NBAS: variants seen among roughly 807,000 people sequenced by gnomAD.
NBAS encodes the protein NBAS subunit of NRZ tethering complex, also known as NAG/BC035112 fusion.
NBAS carries 219 observed loss-of-function variants against 302.5 expected under a neutral mutation model. That is an observed-to-expected ratio of 0.72 (90% CI 0.65 to 0.81). The LOEUF is 0.81. Ranked by LOEUF, NBAS falls within the 30% of genes least tolerant of loss-of-function variation. The probability of loss-of-function intolerance (pLI) is 0.00; values close to 1 mark genes in which losing one functional copy is unlikely to be tolerated. For synonymous variants in NBAS, 1,118 were observed against 1,021.6 expected, an observed-to-expected ratio of 1.09 and a Z score of -1.80; for missense variants, 2,932 against 2,841.6, an observed-to-expected ratio of 1.03 and a Z score of -0.72.
chr2:15,059,952 AAAAAAAAAAAACAAAAAAAAAAAC>A, the NBAS span, among the ~76,000 whole-genome samples: 3 of 102,088 alleles, frequency 2.9e-5, no homozygotes, highest in Non-Finnish European at 3.6e-5. Flanking sequence ...GCTGCTAAAA[AAAAAAAAAAAACAAAAAAAAAAAC>A]AAAAAAAAAA....
At chr2:15,434,305 T>A (rs1677905352) in intron 21 of NBAS, among the ~76,000 whole-genome samples, 1 of 152,086 alleles carries the variant, frequency 6.6e-6, no homozygotes, top group Non-Finnish European at 1.5e-5. Context: ...ACAGATGACA[T>A]GAGAAGTCAC....
intron 16 of NBAS, among the ~76,000 whole-genome samples, chr2:15,468,974 T>C (rs1464420268): frequency 6.6e-6 from 1 of 152,174 alleles, no homozygotes; most frequent in African/African-American, 2.4e-5. Flanking sequence ...TATTTGACCA[T>C]GAGATATATC....
At chr2:15,130,187 T>G in the NBAS span, among the ~76,000 whole-genome samples, 2 of 152,242 alleles carry the variant, frequency 1.3e-5, no homozygotes, top group Non-Finnish European at 2.9e-5. Flanking sequence ...CATAGCATAA[T>G]GTCTTTAGGG....
intron 21 of NBAS, among the ~76,000 whole-genome samples, chr2:15,451,435 A>C (rs1191267252): frequency 2.0e-5 from 3 of 152,204 alleles, no homozygotes; most frequent in Non-Finnish European, 4.4e-5. Flanking sequence ...TTTCTGGAAA[A>C]TCATAAACTA....
At chr2:15,547,991 A>C (rs1664195651) in intron 6 of NBAS, among the ~76,000 whole-genome samples, 1 of 152,222 alleles carries the variant, frequency 6.6e-6, no homozygotes, top group Non-Finnish European at 1.5e-5. Context: ...TGTATACATA[A>C]GGAATAAAAA....
intron 17 of NBAS, 31 bp downstream of exon 17, chr2:15,468,351 T>A (rs772531828): frequency 3.2e-5 from 52 of 1,612,856 alleles, no homozygotes; most frequent in Middle Eastern, 1.6e-4. Flanking sequence ...AAGTCACCTT[T>A]ACTTTGAATC....
chr2:15,543,142 A>G (rs1323975899), intron 6 of NBAS, among the ~76,000 whole-genome samples: 1 of 152,232 alleles, frequency 6.6e-6, no homozygotes, highest in Admixed American at 6.5e-5. Context: ...CAAATTGACA[A>G]CTGACACATG....
the NBAS span, among the ~76,000 whole-genome samples, chr2:15,080,669 T>A: frequency 3.9e-5 from 6 of 152,274 alleles, no homozygotes; most frequent in Non-Finnish European, 8.8e-5. Flanking sequence ...ATGGGTTAGT[T>A]CAGAAGACCC....
rs753328761 is a variant in NBAS at position 15,218,766 on chromosome 2, C to A, written c.6432+7G>T. 1 of 1,614,210 alleles carries A rather than the reference C, an allele frequency of 6.2e-7. No homozygotes were observed. Among genetic ancestry groups the A allele is most frequent in the Admixed American group, 1.7e-5 (1 of 60,036 alleles). On this transcript the variant is annotated splice_region_variant and intron_variant, in intron 48 of 51. Coordinates refer to ENST00000281513, the MANE Select transcript of NBAS (RefSeq NM_015909.4). ...TAAGAAAAATAATCATTCAGACACT[C>A]CCTTACCTGTCTCTGGGGCCAGGAG... is the stretch of plus-strand genomic sequence containing the variant.
chr2:15,135,301 C>T, the NBAS span, among the ~76,000 whole-genome samples: 1 of 152,154 alleles, frequency 6.6e-6, no homozygotes, highest in Non-Finnish European at 1.5e-5. Context: ...TTATCTATTC[C>T]TGGGGAAGCA....
rs375734407 is a variant in NBAS at position 15,417,538 on chromosome 2, G to A, written c.2752C>T (p.Leu918=). The change falls in exon 24 of 52, where the codon CTG becomes TTG. Residue 918 remains leucine, a synonymous_variant. Transcript: ENST00000281513. ...AAAATAAAACCTACACTATTCATCA[G>A]TAATCTTAGTTTTTCAATGTCTTTC... The part of the protein sequence containing the change: ...QMKDIEKLRL[L]MNSCSEDKYV... 2.5e-6 allele frequency: 4 copies of A among 1,612,396 alleles called. No homozygotes were observed. The highest frequency in any genetic ancestry group is 3.4e-6 in the Non-Finnish European group (4 of 1,178,684).
intron 12 of NBAS, among the ~76,000 whole-genome samples, chr2:15,485,092 G>A (rs1157893979): frequency 6.6e-6 from 1 of 151,986 alleles, no homozygotes; most frequent in Non-Finnish European, 1.5e-5. Context: ...GAGTACTCTA[G>A]ATATCTATTA....
chr2:15,245,111 T>C (rs1354471733), intron 44 of NBAS, among the ~76,000 whole-genome samples: 1 of 152,096 alleles, frequency 6.6e-6, no homozygotes, highest in Non-Finnish European at 1.5e-5. Flanking sequence ...GATGGTATCT[T>C]AAAAACACAC....
the NBAS span, among the ~76,000 whole-genome samples, chr2:15,005,537 C>T: frequency 2.0e-5 from 3 of 152,314 alleles, no homozygotes; most frequent in South Asian, 2.1e-4. Context: ...TGGCAAAGGC[C>T]AGACTGGAGC....
chr2:15,444,805 C>G (rs960844102), intron 21 of NBAS, among the ~76,000 whole-genome samples: 1 of 151,968 alleles, frequency 6.6e-6, no homozygotes, highest in African/African-American at 2.4e-5. Flanking sequence ...AACAAATTTA[C>G]AAGAAAAAAA....
chr2:15,468,222 C>T (rs769299855), intron 17 of NBAS, among the ~76,000 whole-genome samples, 160 bp downstream of exon 17: 10 of 152,118 alleles, frequency 6.6e-5, no homozygotes, highest in Non-Finnish European at 1.3e-4. Flanking sequence ...GTTCCAAATG[C>T]CTGATGAGCA....
At chr2:14,793,032 C>T in the NBAS span, among the ~76,000 whole-genome samples, 1 of 151,826 alleles carries the variant, frequency 6.6e-6, no homozygotes, top group African/African-American at 2.4e-5. Context: ...AGAAGAGACA[C>T]TAGGATGTTC....
intron 10 of NBAS, among the ~76,000 whole-genome samples, chr2:15,506,953 G>A (rs553653213): frequency 1.9e-4 from 29 of 152,154 alleles, no homozygotes; most frequent in Non-Finnish European, 4.4e-5. Context: ...ATCTCCATTC[G>A]AGTGAATTCA....
the NBAS span, among the ~76,000 whole-genome samples, chr2:14,935,020 T>G: frequency 6.6e-6 from 1 of 152,170 alleles, no homozygotes; most frequent in African/African-American, 2.4e-5. Context: ...GGATATATAT[T>G]TTTCTATTAA....
Sources: gnomAD v4.1 joint callset for allele counts (sites outside exome capture counted in the v4.1 genomes callset) on GRCh38, gnomAD v4.1.1 for gene constraint, MANE v1.5 for transcripts, NCBI Gene and HGNC (gene_info 2026-07-23, HGNC 2026-07-21) for gene names.